DOCK8: variants seen among roughly 807,000 people sequenced by gnomAD.
DOCK8 encodes dedicator of cytokinesis 8.
A neutral mutation model predicts 245.6 loss-of-function variants in DOCK8; 141 were observed. The observed-to-expected ratio is 0.57, with a 90% CI of 0.50 to 0.66. The LOEUF is 0.66. Ranked by LOEUF, DOCK8 falls within the 30% of genes least tolerant of loss-of-function variation. The pLI is 0.00. For missense variants in DOCK8, 2,965 were observed against 2,603.4 expected (o/e 1.14, Z -3.02); for synonymous variants, 1,168 against 970.2 (o/e 1.20, Z -3.79).
intron 24 of DOCK8, among the ~76,000 whole-genome samples, chr9:394,961 C>A (rs2054378532): frequency 6.6e-6 from 1 of 152,152 alleles, no homozygotes; most frequent in African/African-American, 2.4e-5. Context: ...CAGACAGGAG[C>A]CAAATACAGC....
intron 25 of DOCK8, 129 bp downstream of exon 25, chr9:397,063 G>C (rs2054496787): frequency 2.7e-6 from 3 of 1,116,060 alleles, no homozygotes; most frequent in Admixed American, 4.1e-5. Flanking sequence ...GTTAAACGCA[G>C]TATGTTATAC....
chr9:390,506 C>T lies in DOCK8; in HGVS notation c.2910C>T (p.Val970=), dbSNP rs778586095. The T allele has an allele frequency of 2.5e-6, 4 of 1,614,132 alleles. No individual in the cohort carries two copies. Residue 970 remains valine, a synonymous_variant, in exon 24 of 48, where the codon GTC becomes GTT. Coordinates refer to ENST00000432829, the MANE Select transcript of DOCK8 (RefSeq NM_203447.4). The part of the protein sequence containing the change: ...FHEELALQMV[V]STGMVRETVF... ...AGGAGCTTGCCCTTCAGATGGTGGTCAGCACCGGAATGGTGAGAGAAACAG... is the reference window on the plus strand; with the variant it reads ...AGGAGCTTGCCCTTCAGATGGTGGTTAGCACCGGAATGGTGAGAGAAACAG...
chr9:351,825 C>T (rs1008941073), intron 14 of DOCK8, among the ~76,000 whole-genome samples: 3 of 152,216 alleles, frequency 2.0e-5, no homozygotes, highest in African/African-American at 7.2e-5. Context: ...CTAGCAATAG[C>T]CAGTGGCATG....
chr9:431,854 A>G (rs1186748921), intron 36 of DOCK8, among the ~76,000 whole-genome samples: 2 of 152,112 alleles, frequency 1.3e-5, no homozygotes, highest in African/African-American at 2.4e-5. Flanking sequence ...GCACAAAAGG[A>G]TATACTGTAT....
At chr9:431,633 C>G (rs1055759020) in intron 36 of DOCK8, among the ~76,000 whole-genome samples, 1 of 152,074 alleles carries the variant, frequency 6.6e-6, no homozygotes, top group African/African-American at 2.4e-5. Flanking sequence ...CTCAGCCTCT[C>G]GAGTAGCTGG....
At chr9:272,669 C>G (rs1472468261) in intron 2 of DOCK8, among the ~76,000 whole-genome samples, 1 of 152,176 alleles carries the variant, frequency 6.6e-6, no homozygotes, top group Non-Finnish European at 1.5e-5. Context: ...TTACAGTGAG[C>G]CACTGCACCT....
At chr9:361,823 T>G (rs2052745555) in intron 14 of DOCK8, among the ~76,000 whole-genome samples, 1 of 152,226 alleles carries the variant, frequency 6.6e-6, no homozygotes. Context: ...AAAATCTACT[T>G]TTTTCACTTT....
intron 12 of DOCK8, among the ~76,000 whole-genome samples, 178 bp from the exon 13 acceptor site, chr9:338,828 A>G (rs1010359290): frequency 2.0e-5 from 3 of 152,210 alleles, no homozygotes; most frequent in African/African-American, 7.2e-5. Flanking sequence ...AGTCACAGTG[A>G]TTGAGAAGGA....
chr9:332,354 G>C, intron 9 of DOCK8, 44 bp from the exon 10 acceptor site: 2 of 1,338,350 alleles, frequency 1.5e-6, no homozygotes, highest in Non-Finnish European at 2.1e-6. Context: ...CCTTTTTATG[G>C]ATGTAATTTA....
At chr9:219,676 G>A (rs1210631106) in intron 1 of DOCK8, among the ~76,000 whole-genome samples, 1 of 151,998 alleles carries the variant, frequency 6.6e-6, no homozygotes, top group Non-Finnish European at 1.5e-5. Context: ...GCTGGTAGAT[G>A]GCTCGAGCCC....
intron 33 of DOCK8, among the ~76,000 whole-genome samples, chr9:425,298 C>T (rs529001010): frequency 1.3e-5 from 2 of 151,910 alleles, no homozygotes; most frequent in Non-Finnish European, 2.9e-5. Flanking sequence ...TTTGGGAGGC[C>T]GAGGTAAGTG....
In DOCK8 at chr9:404,979, T is replaced by C; in HGVS notation, c.3296T>C (p.Ile1099Thr). 6.2e-7 allele frequency: 1 copy of C among 1,614,116 alleles called. No individual in the cohort carries two copies. Among genetic ancestry groups the C allele is most frequent in the Non-Finnish European group, 8.5e-7 (1 of 1,180,004 alleles). ...TCCATGAGGCTAGAGTTCCTGAGAA[T>C]CCTCTGTAGCCATGAGCATTACCTC... ...LISMRLEFLRILCSHEHYLNL... is the reference protein window; with the variant it reads ...LISMRLEFLRTLCSHEHYLNL... Residue 1099 changes from isoleucine (I) to threonine (T), a missense_variant, in exon 27 of 48, where the codon ATC becomes ACC. Physicochemically the swap from Ile to Thr is moderately conservative, Grantham distance 89. Around this residue, in one of 3 missense-constraint regions of DOCK8, gnomAD observed 2,825 missense variants for 2,453.5 expected, o/e 1.15. Transcript: ENST00000432829.
At chr9:459,820 A>T (rs543651079) in intron 46 of DOCK8, 37 of 152,462 alleles carry the variant, frequency 2.4e-4, no homozygotes, top group African/African-American at 8.4e-4. Flanking sequence ...TCTCTCCTGC[A>T]TGACAGCTTT....
chr9:241,907 C>G (rs1267924854), intron 1 of DOCK8, among the ~76,000 whole-genome samples: 1 of 152,152 alleles, frequency 6.6e-6, no homozygotes, highest in South Asian at 2.1e-4. Flanking sequence ...AGCCACAGCA[C>G]CTGGCATGGG....
intron 28 of DOCK8, among the ~76,000 whole-genome samples, chr9:410,899 CAA>C (rs1343414037): frequency 2.0e-5 from 3 of 152,138 alleles, no homozygotes; most frequent in Non-Finnish European, 4.4e-5. Flanking sequence ...AATCATATCA[CAA>C]GAGACCTTAC....
chr9:422,854 A>G (rs1236950689), intron 33 of DOCK8, among the ~76,000 whole-genome samples: 1 of 152,086 alleles, frequency 6.6e-6, no homozygotes, highest in Admixed American at 6.5e-5. Context: ...GCATGATGGC[A>G]GATGCCTGTA....
At chr9:364,355 G>T (rs2052875542) in intron 14 of DOCK8, among the ~76,000 whole-genome samples, 3 of 152,162 alleles carry the variant, frequency 2.0e-5, no homozygotes, top group Non-Finnish European at 4.4e-5. Context: ...TAATGTGGCT[G>T]GGCATAGTGA....
intron 16 of DOCK8, 116 bp from the exon 17 acceptor site, chr9:371,312 A>G: frequency 1.6e-6 from 2 of 1,261,102 alleles, no homozygotes; most frequent in Admixed American, 1.7e-5. Flanking sequence ...GTAATGTAAA[A>G]TGAAAAGCAA....
intron 22 of DOCK8, among the ~76,000 whole-genome samples, chr9:383,696 GTC>G (rs2053825006): frequency 1.7e-5 from 1 of 59,764 alleles, no homozygotes. Flanking sequence ...GTGAGACTCC[GTC>G]TCAAAAAAAA....
Sources: gnomAD v4.1 joint callset for allele counts (sites outside exome capture counted in the v4.1 genomes callset) on GRCh38, gnomAD v4.1.1 for gene constraint, gnomAD v4.1.1 regional missense constraint, MANE v1.5 for transcripts, NCBI Gene and HGNC (gene_info 2026-07-23, HGNC 2026-07-21) for gene names.